The following SMYD3 variants were observed in gnomAD, a reference collection of about 807,000 sequenced individuals.
The protein encoded by SMYD3 is SET and MYND domain containing 3, also known as histone-lysine N-methyltransferase SMYD3.
SMYD3 carries 36 observed loss-of-function variants against 57.7 expected under a neutral mutation model. The ratio of observed to expected loss-of-function variants is 0.62; its 90% CI spans 0.48 to 0.82. SMYD3 has a LOEUF of 0.82. Among genes scored for constraint, SMYD3 ranks in the 40% least tolerant of loss-of-function variants. SMYD3 has a pLI of 0.00. For missense variants in SMYD3, 515 were observed against 538.8 expected, an observed-to-expected ratio of 0.96 and a Z score of 0.44; for synonymous variants, 211 against 195.0, an observed-to-expected ratio of 1.08 and a Z score of -0.68.
intron 5 of SMYD3, among the ~76,000 whole-genome samples, chr1:246,027,344 G>A (rs2059593510): frequency 6.6e-6 from 1 of 152,052 alleles, no homozygotes; most frequent in Non-Finnish European, 1.5e-5. Flanking sequence ...CTTATATTGG[G>A]ATGAGATACC....
At position 246,169,388 on chromosome 1, in the gene SMYD3, A is replaced by AC. The variant is rs1427538391; in HGVS notation, c.531+157812_531+157813insG. ...GGGCAAAAGACTTTCTTTCAAAAAAAAAAAAAAAAAAAAAAACCTCTAACA... is the reference window on the plus strand; with the variant it reads ...GGGCAAAAGACTTTCTTTCAAAAAAACAAAAAAAAAAAAAAAACCTCTAACA... On this transcript the variant is annotated intron_variant, in intron 5 of 11. Transcript: ENST00000490107. 1.6e-3 allele frequency among the ~76,000 whole-genome samples: 246 copies of AC among 149,810 alleles called. 7 individuals carry two copies. The highest frequency in any genetic ancestry group is 5.6e-3 in the African/African-American group (228 of 40,382).
chr1:245,808,978 G>A (rs2048323539), intron 10 of SMYD3, among the ~76,000 whole-genome samples: 1 of 152,114 alleles, frequency 6.6e-6, no homozygotes, highest in Non-Finnish European at 1.5e-5. Context: ...GGCCAGGCTG[G>A]TCTTGGACTC....
chr1:246,470,131 A>C (rs919019318), intron 1 of SMYD3, among the ~76,000 whole-genome samples: 1 of 152,214 alleles, frequency 6.6e-6, no homozygotes, highest in African/African-American at 2.4e-5. Flanking sequence ...ATCATAAAAG[A>C]TGAGAAAAGG....
In SMYD3 at chr1:245,885,348, A is replaced by G. The variant is rs113417259; in HGVS notation, c.814-21462T>C. ...CAATTCCGGACACACCACCATGTTGAACATGCCTGGCCCCCAGGTAGCCTT... is the reference window on the plus strand; with the variant it reads ...CAATTCCGGACACACCACCATGTTGGACATGCCTGGCCCCCAGGTAGCCTT... On this transcript the variant is annotated intron_variant, in intron 8 of 11. Coordinates refer to ENST00000490107, the MANE Select transcript of SMYD3 (RefSeq NM_001167740.2). Among the ~76,000 whole-genome samples the G allele has an allele frequency of 3.1e-3, 468 of 152,286 alleles. 2 individuals are homozygous for G. The highest frequency in any genetic ancestry group is 0.011 in the African/African-American group (448 of 41,554).
chr1:246,069,369 T>A (rs2060402911), intron 5 of SMYD3, among the ~76,000 whole-genome samples: 1 of 152,178 alleles, frequency 6.6e-6, no homozygotes, highest in African/African-American at 2.4e-5. Flanking sequence ...ATCCAACACA[T>A]TTCACATAAA....
intron 5 of SMYD3, among the ~76,000 whole-genome samples, chr1:246,182,668 T>G (rs565402225): frequency 2.0e-5 from 3 of 152,188 alleles, no homozygotes; most frequent in Non-Finnish European, 4.4e-5. Flanking sequence ...ATAAAGCACT[T>G]TGAGTCACAA....
chr1:245,837,349 C>T (rs1004283850), intron 10 of SMYD3, among the ~76,000 whole-genome samples: 2 of 152,044 alleles, frequency 1.3e-5, no homozygotes, highest in Non-Finnish European at 2.9e-5. Flanking sequence ...GGGCATCCTC[C>T]CTGTTTGCTT....
chr1:246,423,252 G>A (rs558938177), intron 1 of SMYD3, among the ~76,000 whole-genome samples: 11 of 150,122 alleles, frequency 7.3e-5, no homozygotes, highest in South Asian at 4.2e-4. Flanking sequence ...AGCCGAGATC[G>A]CGCCACTGCA....
chr1:246,348,077 T>TATATAC lies in SMYD3; in HGVS notation c.228+6953_228+6954insGTATAT. ...AGAAAACGTTATATATATATATATA[T>TATATAC]ACACACACACCATCAAATACTATGA... On this transcript the variant is annotated intron_variant, in intron 2 of 11. Coordinates refer to ENST00000490107, the MANE Select transcript of SMYD3 (RefSeq NM_001167740.2). Among the ~76,000 whole-genome samples the TATATAC allele has an allele frequency of 3.1e-3, 269 of 86,482 alleles. 36 individuals carry two copies. Among genetic ancestry groups the TATATAC allele is most frequent in the Non-Finnish European group, 5.7e-3 (217 of 38,378 alleles). 56.7% of individuals were successfully genotyped at this position (86,482 alleles called of 152,430 possible).
At chr1:246,221,656 G>T (rs759917504) in intron 5 of SMYD3, among the ~76,000 whole-genome samples, 2 of 152,192 alleles carry the variant, frequency 1.3e-5, no homozygotes, top group Non-Finnish European at 2.9e-5. Flanking sequence ...CAGAGAGCTG[G>T]TGCTCACGCC....
At chr1:245,784,286 G>T (rs548652517) in intron 10 of SMYD3, among the ~76,000 whole-genome samples, 2 of 152,180 alleles carry the variant, frequency 1.3e-5, no homozygotes, top group Non-Finnish European at 2.9e-5. Flanking sequence ...AGGTATCTAA[G>T]CATCTATGTA....
intron 5 of SMYD3, among the ~76,000 whole-genome samples, chr1:246,283,630 T>A (rs1201849848): frequency 6.6e-6 from 1 of 152,184 alleles, no homozygotes; most frequent in Non-Finnish European, 1.5e-5. Flanking sequence ...TGGTTCTAAT[T>A]TCAAATATTT....
intron 1 of SMYD3, among the ~76,000 whole-genome samples, chr1:246,501,784 A>G (rs1457159983): frequency 6.6e-6 from 1 of 152,208 alleles, no homozygotes; most frequent in African/African-American, 2.4e-5. Context: ...AACTGTTCCC[A>G]CTTTAAATAA....
At chr1:245,953,813 T>G (rs2057743795) in intron 5 of SMYD3, among the ~76,000 whole-genome samples, 1 of 152,232 alleles carries the variant, frequency 6.6e-6, no homozygotes, top group Non-Finnish European at 1.5e-5. Flanking sequence ...TTGTGCCTGG[T>G]TCTTCAAACA....
chr1:246,091,278 C>T (rs1159234790), intron 5 of SMYD3, among the ~76,000 whole-genome samples: 1 of 152,174 alleles, frequency 6.6e-6, no homozygotes. Context: ...GGATTTCTGG[C>T]TGGGGCTACC....
At chr1:245,926,709 G>A (rs763657249) in intron 7 of SMYD3, among the ~76,000 whole-genome samples, 1 of 152,178 alleles carries the variant, frequency 6.6e-6, no homozygotes, top group Non-Finnish European at 1.5e-5. Flanking sequence ...AACTCTAATT[G>A]CTTTTGTCAA....
chr1:246,382,098 C>A (rs1394045888), intron 1 of SMYD3, among the ~76,000 whole-genome samples: 2 of 144,520 alleles, frequency 1.4e-5, no homozygotes, highest in African/African-American at 5.2e-5. Context: ...TAGCCCCAGA[C>A]CCCTCCAGCT....
At chr1:245,834,610 C>A (rs997643214) in intron 10 of SMYD3, among the ~76,000 whole-genome samples, 1 of 152,266 alleles carries the variant, frequency 6.6e-6, no homozygotes, top group South Asian at 2.1e-4. Flanking sequence ...ATTTAGGAAG[C>A]AAATTATAAT....
chr1:245,770,533 A>AC (rs2046292642), intron 10 of SMYD3, among the ~76,000 whole-genome samples: 1 of 152,244 alleles, frequency 6.6e-6, no homozygotes, highest in African/African-American at 2.4e-5. Context: ...AAGCAAAAGT[A>AC]AACATGTCTG....
Sources: gnomAD v4.1 joint callset for allele counts (sites outside exome capture counted in the v4.1 genomes callset) on GRCh38, gnomAD v4.1.1 for gene constraint, MANE v1.5 for transcripts, NCBI Gene and HGNC (gene_info 2026-07-23, HGNC 2026-07-21) for gene names.